Variants in CPNE8 observed in about 807,000 individuals in gnomAD.
CPNE8 encodes the protein copine 8.
In CPNE8, 45 loss-of-function variants were observed where a neutral mutation model predicts 81.5. That is an observed-to-expected ratio of 0.55 (90% CI 0.44 to 0.71). The LOEUF is 0.71. CPNE8 is among the 30% of genes least tolerant of loss of function. The pLI is 0.00. For synonymous variants in CPNE8, 252 were observed against 226.3 expected (o/e 1.11, Z -1.02); for missense variants, 594 against 672.1 (o/e 0.88, Z 1.28).
chr12:38,811,373 T>C (rs1220545189), intron 6 of CPNE8, among the ~76,000 whole-genome samples: 1 of 152,174 alleles, frequency 6.6e-6, no homozygotes, highest in Non-Finnish European at 1.5e-5. Flanking sequence ...AATCTATTTG[T>C]AATTCATAAA....
chr12:38,887,379 T>G (rs563360768), intron 1 of CPNE8, among the ~76,000 whole-genome samples: 6 of 152,166 alleles, frequency 3.9e-5, no homozygotes, highest in Non-Finnish European at 8.8e-5. Flanking sequence ...CCATCTTACG[T>G]AAGTCATTGT....
intron 6 of CPNE8, among the ~76,000 whole-genome samples, chr12:38,797,264 C>T (rs550484346): frequency 9.8e-5 from 15 of 152,332 alleles, no homozygotes; most frequent in South Asian, 8.3e-4. Flanking sequence ...TCCCTGACCC[C>T]TGACCCCCGA....
At chr12:38,797,959 A>C (rs902757793) in intron 6 of CPNE8, among the ~76,000 whole-genome samples, 1 of 152,184 alleles carries the variant, frequency 6.6e-6, no homozygotes, top group African/African-American at 2.4e-5. Context: ...GTGATGGAAG[A>C]TGAAATGAAT....
intron 1 of CPNE8, among the ~76,000 whole-genome samples, chr12:38,890,245 G>T (rs1258860719): frequency 6.6e-6 from 1 of 151,998 alleles, no homozygotes; most frequent in East Asian, 1.9e-4. Flanking sequence ...ATGTAATCAG[G>T]GATGACAACA....
intron 7 of CPNE8, among the ~76,000 whole-genome samples, chr12:38,773,441 G>GTATA (rs761091167): frequency 6.6e-6 from 1 of 152,010 alleles, no homozygotes; most frequent in Non-Finnish European, 1.5e-5. Flanking sequence ...TCATCATGAT[G>GTATA]TATACATTAA....
At chr12:38,798,518 C>G (rs1156834289) in intron 6 of CPNE8, among the ~76,000 whole-genome samples, 1 of 151,896 alleles carries the variant, frequency 6.6e-6, no homozygotes, top group Non-Finnish European at 1.5e-5. Flanking sequence ...TTGTCACCAC[C>G]AGGCCTGCCC....
At position 38,800,902 on chromosome 12, in the gene CPNE8, T is replaced by C. The variant is rs1257595458; in HGVS notation, c.408-24601A>G. 4.6e-5 allele frequency among the ~76,000 whole-genome samples: 5 copies of C among 109,330 alleles called. No individual in the cohort carries two copies. The South Asian group carries it at 1.1e-3, about 25-fold the overall frequency. The allele number at this position is 109,330 out of a possible 152,430, so 71.7% of individuals were successfully genotyped here. A position where few individuals can be genotyped will look rare whatever the true frequency, so the allele number is the denominator to read the frequency against. ...CGATGCGATCAACTGGAAGAAAGGG[T>C]ATCAGCAATGGAAGATGAAATGAAT... On this transcript the variant is annotated intron_variant, in intron 6 of 19. Transcript: ENST00000331366.
intron 6 of CPNE8, among the ~76,000 whole-genome samples, chr12:38,809,329 A>G (rs1453743909): frequency 6.6e-6 from 1 of 152,150 alleles, no homozygotes; most frequent in African/African-American, 2.4e-5. Context: ...CATGTCTTCA[A>G]GTCAGCAACA....
chr12:38,696,092 G>C (rs1171980207), intron 14 of CPNE8, among the ~76,000 whole-genome samples: 2 of 152,108 alleles, frequency 1.3e-5, no homozygotes, highest in Non-Finnish European at 2.9e-5. Flanking sequence ...TAGTACCCCA[G>C]AACATTTAAA....
intron 17 of CPNE8, chr12:38,676,440 C>A (rs1475572118): frequency 3.6e-6 from 1 of 278,994 alleles, no homozygotes; most frequent in East Asian, 1.8e-4. Context: ...TGTTCTTTCT[C>A]CTCCAAAAAT....
At chr12:38,817,049 T>C (rs1431892238) in intron 6 of CPNE8, among the ~76,000 whole-genome samples, 1 of 152,176 alleles carries the variant, frequency 6.6e-6, no homozygotes, top group Non-Finnish European at 1.5e-5. Context: ...ACACTAACAG[T>C]ATGTCTAATC....
intron 13 of CPNE8, among the ~76,000 whole-genome samples, chr12:38,722,563 A>T (rs1183464415): frequency 6.6e-6 from 1 of 152,174 alleles, no homozygotes; most frequent in Non-Finnish European, 1.5e-5. Context: ...GCTGTTGCTG[A>T]ATCATAATTA....
rs578243160 is a variant in CPNE8 at position 38,698,128 on chromosome 12, A to G, written c.962-4290T>C. ...AGTGGGTATGAAATGATATCTCATT[A>G]TAGTTTCGATTTGGATTTCCTGATG... On this transcript the variant is annotated intron_variant, in intron 14 of 19. Coordinates refer to ENST00000331366, the MANE Select transcript of CPNE8 (RefSeq NM_153634.3). Among the ~76,000 whole-genome samples, 3 of 152,304 alleles carry G rather than the reference A, an allele frequency of 2.0e-5. No individual in the cohort carries two copies. In the South Asian group the frequency reaches 6.2e-4, roughly 32 times the overall value.
At chr12:38,654,514 CA>C (rs71068569) in intron 19 of CPNE8, among the ~76,000 whole-genome samples, 1,133 of 97,554 alleles carry the variant, frequency 0.012, 4 homozygotes, top group African/African-American at 0.046. Context: ...GACTCTGTCT[CA>C]AAAAAAAAAA....
chr12:38,797,978 G>T (rs1032495613), intron 6 of CPNE8, among the ~76,000 whole-genome samples: 1 of 152,122 alleles, frequency 6.6e-6, no homozygotes, highest in Non-Finnish European at 1.5e-5. Flanking sequence ...ATGAAATGAA[G>T]CGAGAAGGGA....
chr12:38,799,963 G>A (rs1376970567), intron 6 of CPNE8, among the ~76,000 whole-genome samples: 1 of 149,848 alleles, frequency 6.7e-6, no homozygotes, highest in Non-Finnish European at 1.5e-5. Flanking sequence ...TTAAGAAACG[G>A]CGCACCACGA....
intron 16 of CPNE8, among the ~76,000 whole-genome samples, chr12:38,679,414 T>G (rs531554635): frequency 1.4e-3 from 212 of 152,044 alleles, no homozygotes; most frequent in African/African-American, 4.9e-3. Context: ...AAGTTTGTTT[T>G]ATCTTAAAAA....
At chr12:38,822,205 G>A (rs985170319) in intron 6 of CPNE8, among the ~76,000 whole-genome samples, 1 of 152,016 alleles carries the variant, frequency 6.6e-6, no homozygotes, top group Non-Finnish European at 1.5e-5. Context: ...TGTTAACATG[G>A]GAAATTTGGG....
intron 6 of CPNE8, among the ~76,000 whole-genome samples, chr12:38,812,973 T>C (rs1372495043): frequency 6.6e-6 from 1 of 152,200 alleles, no homozygotes; most frequent in Non-Finnish European, 1.5e-5. Context: ...CTAAGAGAAG[T>C]ACCTTTCCGA....
Sources: allele counts gnomAD v4.1 joint callset (sites outside exome capture counted in the v4.1 genomes callset), GRCh38; gene constraint gnomAD v4.1.1; transcripts MANE v1.5; gene names NCBI Gene and HGNC (gene_info 2026-07-23, HGNC 2026-07-21).